Variants in TTC29 observed in about 807,000 individuals in gnomAD.
TTC29 encodes the protein tetratricopeptide repeat protein 29.
In TTC29, 49 loss-of-function variants were observed where a neutral mutation model predicts 58.1. The ratio of observed to expected loss-of-function variants is 0.84; its 90% CI spans 0.67 to 1.07. The LOEUF is 1.07. Among genes scored for constraint, TTC29 ranks in the 50% least tolerant of loss-of-function variants. The pLI is 0.00. For synonymous variants in TTC29, 209 were observed against 196.8 expected (o/e 1.06, Z -0.52); for missense variants, 582 against 555.6 (o/e 1.05, Z -0.48).
intron 9 of TTC29, among the ~76,000 whole-genome samples, chr4:146,822,317 G>A (rs1220705167): frequency 1.3e-5 from 2 of 151,986 alleles, no homozygotes; most frequent in African/African-American, 4.8e-5. Flanking sequence ...TCCCACTTGT[G>A]TGAGTGAGAA....
At chr4:146,903,163 G>A (rs965564654) in intron 6 of TTC29, among the ~76,000 whole-genome samples, 4 of 152,072 alleles carry the variant, frequency 2.6e-5, no homozygotes, top group East Asian at 1.9e-4. Flanking sequence ...GAGGTGTTAC[G>A]TGAGTTATAC....
intron 4 of TTC29, among the ~76,000 whole-genome samples, chr4:146,928,492 T>C (rs939088111): frequency 6.6e-6 from 1 of 152,188 alleles, no homozygotes; most frequent in Non-Finnish European, 1.5e-5. Flanking sequence ...GAATTAAACC[T>C]GGAAACAGTA....
At chr4:146,851,705 T>G (rs1399209007) in intron 8 of TTC29, among the ~76,000 whole-genome samples, 1 of 152,196 alleles carries the variant, frequency 6.6e-6, no homozygotes, top group African/African-American at 2.4e-5. Flanking sequence ...GCCTTAACTT[T>G]AGAGCTGGAC....
chr4:146,915,246 T>C (rs756262479), intron 4 of TTC29, among the ~76,000 whole-genome samples: 3 of 152,148 alleles, frequency 2.0e-5, no homozygotes, highest in African/African-American at 4.8e-5. Flanking sequence ...TCATGTATTG[T>C]TGCTTTTTCT....
intron 11 of TTC29, among the ~76,000 whole-genome samples, chr4:146,757,641 G>A (rs145657680): frequency 6.6e-6 from 1 of 152,150 alleles, no homozygotes; most frequent in Admixed American, 6.6e-5. Flanking sequence ...CTAAAAGCTA[G>A]AAGGGATTGG....
rs116494949 is a variant in TTC29, at chr4:146,933,359, G to A, written c.176+4235C>T. On this transcript the variant is annotated intron_variant, in intron 4 of 12. Coordinates refer to ENST00000325106, the MANE Select transcript of TTC29 (RefSeq NM_031956.4). ...ATGATTTTGTTTCCTCACATACATA[G>A]CTAAAGCTGTAAAGTGCCCTCTAGA... 4.6e-3 allele frequency among the ~76,000 whole-genome samples: 695 copies of A among 152,270 alleles called. 4 individuals carry two copies. The highest frequency in any genetic ancestry group is 0.016 in the African/African-American group (652 of 41,544).
At chr4:146,801,754 A>G (rs1750235699) in intron 11 of TTC29, among the ~76,000 whole-genome samples, 1 of 152,050 alleles carries the variant, frequency 6.6e-6, no homozygotes, top group Non-Finnish European at 1.5e-5. Context: ...AGATGGGTAG[A>G]TCATGCGATC....
Position 146,803,545 on chromosome 4 carries a change from G to A in TTC29, c.1242C>T (p.Asn414=), listed in dbSNP as rs780916590. The change falls in exon 11 of 13, where the codon AAC becomes AAT. Residue 414 remains asparagine (N), a synonymous_variant. Transcript: ENST00000325106. The part of the protein sequence containing the change: ...KAHQMMLTVN[N]YIESADLTSL... ...TGGTGAGATCTGCAGACTCTATATA[G>A]TTGTTCACTGTAAGCATCATCTGAT... 17 of 1,603,856 alleles carry A rather than the reference G, an allele frequency of 1.1e-5. No individual in the cohort carries two copies. Among genetic ancestry groups the A allele is most frequent in the Admixed American group, 1.7e-5 (1 of 58,916 alleles).
chr4:146,783,231 A>G (rs1261840306), intron 11 of TTC29, among the ~76,000 whole-genome samples: 3 of 151,966 alleles, frequency 2.0e-5, no homozygotes, highest in African/African-American at 7.2e-5. Context: ...TTTCTTTATT[A>G]TCAAATTCCT....
chr4:146,825,121 A>G (rs1255167503), intron 9 of TTC29, among the ~76,000 whole-genome samples: 1 of 151,790 alleles, frequency 6.6e-6, no homozygotes, highest in Non-Finnish European at 1.5e-5. Context: ...CTGTGATGTT[A>G]GTTATTTCTT....
intron 9 of TTC29, among the ~76,000 whole-genome samples, chr4:146,831,217 G>T (rs1728135133): frequency 6.6e-6 from 1 of 152,070 alleles, no homozygotes; most frequent in African/African-American, 2.4e-5. Flanking sequence ...TGTCTACCAT[G>T]AAATCACTGG....
chr4:146,728,785 G>GTA (rs1397441199), intron 11 of TTC29, among the ~76,000 whole-genome samples: 3 of 119,264 alleles, frequency 2.5e-5, no homozygotes, highest in Non-Finnish European at 4.9e-5. Flanking sequence ...ATATATATGT[G>GTA]TATATATACG....
At chr4:146,802,787 C>A (rs1264321331) in intron 11 of TTC29, among the ~76,000 whole-genome samples, 2 of 152,094 alleles carry the variant, frequency 1.3e-5, no homozygotes, top group Non-Finnish European at 2.9e-5. Context: ...CTGTCATAGG[C>A]AGTATTGTTT....
chr4:146,886,157 A>G (rs745815105), intron 6 of TTC29, among the ~76,000 whole-genome samples: 8 of 151,902 alleles, frequency 5.3e-5, no homozygotes, highest in Non-Finnish European at 8.8e-5. Context: ...AATGTCTGAT[A>G]ATCATCCTTT....
intron 6 of TTC29, among the ~76,000 whole-genome samples, chr4:146,887,872 C>T (rs1421828492): frequency 6.6e-6 from 1 of 151,962 alleles, no homozygotes; most frequent in Non-Finnish European, 1.5e-5. Context: ...TTCTATTTCC[C>T]ACCCAAGCTA....
At chr4:146,933,201 A>G (rs957513698) in intron 4 of TTC29, among the ~76,000 whole-genome samples, 1 of 152,274 alleles carries the variant, frequency 6.6e-6, no homozygotes, top group East Asian at 1.9e-4. Context: ...GATGCTAAAA[A>G]TAAGATGTTC....
At chr4:146,797,983 C>T (rs1749946340) in intron 11 of TTC29, among the ~76,000 whole-genome samples, 3 of 151,514 alleles carry the variant, frequency 2.0e-5, no homozygotes. Context: ...TATTTTTTCA[C>T]AGTATTTCAT....
chr4:146,898,556 C>G (rs1732927149), intron 6 of TTC29, among the ~76,000 whole-genome samples: 1 of 152,192 alleles, frequency 6.6e-6, no homozygotes, highest in South Asian at 2.1e-4. Flanking sequence ...GTAATAAAGT[C>G]ATACAGGAGG....
At chr4:146,825,778 G>A (rs1727749140) in intron 9 of TTC29, among the ~76,000 whole-genome samples, 1 of 152,144 alleles carries the variant, frequency 6.6e-6, no homozygotes, top group Admixed American at 6.6e-5. Flanking sequence ...TTATGAATCT[G>A]GGTGCTCCTG....
Sources: allele counts gnomAD v4.1 joint callset (sites outside exome capture counted in the v4.1 genomes callset), GRCh38; gene constraint gnomAD v4.1.1; transcripts MANE v1.5; gene names NCBI Gene and HGNC (gene_info 2026-07-23, HGNC 2026-07-21).